The following PHACTR1 variants were observed in gnomAD, a reference collection of about 807,000 sequenced individuals.
PHACTR1 encodes RPEL repeat containing 1.
Under a neutral mutation model 69.2 loss-of-function variants are expected in PHACTR1, and 16 were observed. The ratio of observed to expected loss-of-function variants is 0.23; its 90% CI spans 0.16 to 0.35. The LOEUF is 0.35. Ranked by LOEUF, PHACTR1 falls within the 10% of genes least tolerant of loss-of-function variation. The pLI is 1.00. For missense variants in PHACTR1, 510 were observed against 734.7 expected (o/e 0.69, Z 3.54); for synonymous variants, 312 against 284.5 (o/e 1.10, Z -0.97).
intron 4 of PHACTR1, among the ~76,000 whole-genome samples, chr6:12,998,959 A>G (rs1181293550): frequency 1.3e-5 from 2 of 152,252 alleles, no homozygotes; most frequent in African/African-American, 4.8e-5. Context: ...GGTAGTACCA[A>G]GTAATGATGA....
At chr6:12,788,681 C>T (rs1771852539) in intron 4 of PHACTR1, among the ~76,000 whole-genome samples, 1 of 152,214 alleles carries the variant, frequency 6.6e-6, no homozygotes, top group South Asian at 2.1e-4. Flanking sequence ...AAGGCCTTGT[C>T]TGGGTGCCCA....
intron 6 of PHACTR1, among the ~76,000 whole-genome samples, chr6:13,182,004 T>G (rs1481494879): frequency 6.6e-6 from 1 of 152,118 alleles, no homozygotes; most frequent in Non-Finnish European, 1.5e-5. Flanking sequence ...GAGGCCCAGG[T>G]GGGCGGATCA....
At chr6:12,920,671 G>A (rs1787539973) in intron 4 of PHACTR1, among the ~76,000 whole-genome samples, 1 of 152,220 alleles carries the variant, frequency 6.6e-6, no homozygotes, top group Non-Finnish European at 1.5e-5. Context: ...TATGGTGAAT[G>A]TAAAAGTACT....
intron 11 of PHACTR1, chr6:13,273,201 C>A: frequency 2.6e-6 from 1 of 390,296 alleles, no homozygotes. Context: ...AGTGAGACCA[C>A]TTATTATTTA....
At chr6:12,888,791 G>C (rs1262868969) in intron 4 of PHACTR1, among the ~76,000 whole-genome samples, 1 of 152,106 alleles carries the variant, frequency 6.6e-6, no homozygotes, top group Non-Finnish European at 1.5e-5. Context: ...TGTGCTTGGT[G>C]GTCACCTATG....
intron 4 of PHACTR1, among the ~76,000 whole-genome samples, chr6:12,794,070 C>T (rs1010620863): frequency 6.6e-6 from 1 of 152,148 alleles, no homozygotes; most frequent in Non-Finnish European, 1.5e-5. Context: ...AGCTGGGTGA[C>T]CTTAGAAAAA....
intron 8 of PHACTR1, among the ~76,000 whole-genome samples, chr6:13,217,587 G>A (rs1474590789): frequency 6.6e-6 from 1 of 151,522 alleles, no homozygotes; most frequent in Non-Finnish European, 1.5e-5. Context: ...CAGAGGCTGT[G>A]AACAAATTAA....
At chr6:13,021,584 T>C (rs955565225) in intron 4 of PHACTR1, among the ~76,000 whole-genome samples, 1 of 152,192 alleles carries the variant, frequency 6.6e-6, no homozygotes, top group African/African-American at 2.4e-5. Context: ...TGTTTAACCA[T>C]TTGAGGGTCT....
intron 5 of PHACTR1, among the ~76,000 whole-genome samples, chr6:13,155,132 C>T (rs1258597712): frequency 6.6e-6 from 1 of 152,074 alleles, no homozygotes; most frequent in African/African-American, 2.4e-5. Context: ...TCTGATTAAC[C>T]CCAGGTCTTA....
In PHACTR1 at chr6:13,271,014, T is replaced by G. The variant is rs569737396; in HGVS notation, c.1392-1846T>G. On this transcript the variant is annotated intron_variant, in intron 10 of 14. Transcript: ENST00000332995. ...GGAGTTGCCACATGCTTTTTTTTTT[T>G]CTTTTTTTTTTTTTGAGACAGTCTC... Among the ~76,000 whole-genome samples the G allele has an allele frequency of 9.9e-3, 1,374 of 138,244 alleles. 26 individuals are homozygous for G. Among genetic ancestry groups the G allele is most frequent in the African/African-American group, 0.035 (1,309 of 37,748 alleles). The allele number at this position is 138,244 out of a possible 152,430, so 90.7% of individuals were successfully genotyped here. A position where few individuals can be genotyped will look rare whatever the true frequency, so the allele number is the denominator to read the frequency against.
intron 7 of PHACTR1, among the ~76,000 whole-genome samples, chr6:13,189,414 T>C (rs531693638): frequency 2.6e-5 from 4 of 152,254 alleles, no homozygotes; most frequent in Admixed American, 6.5e-5. Flanking sequence ...TTTTTCTTTT[T>C]TTGAGACAGG....
chr6:13,060,142 G>A (rs918437389), intron 5 of PHACTR1, among the ~76,000 whole-genome samples: 9 of 152,108 alleles, frequency 5.9e-5, no homozygotes, highest in African/African-American at 9.7e-5. Context: ...AGTTAACCGT[G>A]TTTAATACCA....
intron 10 of PHACTR1, chr6:13,264,850 T>G (rs1210736633): frequency 6.6e-6 from 1 of 151,920 alleles, no homozygotes; most frequent in African/African-American, 2.4e-5. Context: ...CAGAAAGACC[T>G]CGTCTCTACC....
intron 7 of PHACTR1, among the ~76,000 whole-genome samples, chr6:13,205,055 T>C (rs1347401466): frequency 6.6e-6 from 1 of 152,192 alleles, no homozygotes; most frequent in African/African-American, 2.4e-5. Flanking sequence ...GAAAAGAGAT[T>C]TCTTTAGCTC....
chr6:12,998,613 CA>C (rs113893363), intron 4 of PHACTR1, among the ~76,000 whole-genome samples: 1,188 of 116,488 alleles, frequency 0.01, 14 homozygotes, highest in African/African-American at 0.032. Flanking sequence ...AAGACCTGGT[CA>C]AAAAAAAAAA....
chr6:12,890,042 G>C (rs1355914460), intron 4 of PHACTR1, among the ~76,000 whole-genome samples: 5 of 151,990 alleles, frequency 3.3e-5, no homozygotes, highest in African/African-American at 9.7e-5. Flanking sequence ...GAAGTGGGTG[G>C]GGCAGCAGGA....
chr6:12,918,409 A>C (rs1787255074), intron 4 of PHACTR1, among the ~76,000 whole-genome samples: 1 of 152,196 alleles, frequency 6.6e-6, no homozygotes. Context: ...TTGCAAACAC[A>C]ATTTTGTTTT....
At chr6:12,986,620 G>A (rs1796221858) in intron 4 of PHACTR1, among the ~76,000 whole-genome samples, 1 of 152,198 alleles carries the variant, frequency 6.6e-6, no homozygotes, top group Non-Finnish European at 1.5e-5. Flanking sequence ...AGAGCTTCCA[G>A]TCTCGTTTGG....
chr6:12,915,511 A>G (rs1786877624), intron 4 of PHACTR1, among the ~76,000 whole-genome samples: 3 of 149,660 alleles, frequency 2.0e-5, no homozygotes, highest in Admixed American at 2.0e-4. Context: ...TCTCTCAAAA[A>G]AAAAAAAAAG....
Sources: gnomAD v4.1 joint callset for allele counts (sites outside exome capture counted in the v4.1 genomes callset) on GRCh38, gnomAD v4.1.1 for gene constraint, MANE v1.5 for transcripts, NCBI Gene and HGNC (gene_info 2026-07-23, HGNC 2026-07-21) for gene names.